Variants in LMO7 observed in about 807,000 individuals in gnomAD.
LMO7 encodes the protein LIM domain 7.
A neutral mutation model predicts 206.5 loss-of-function variants in LMO7; 120 were observed. That is an observed-to-expected ratio of 0.58 (90% CI 0.50 to 0.68). The LOEUF is 0.68. LMO7 is among the 30% of genes least tolerant of loss of function. The pLI is 0.00. For synonymous variants in LMO7, 706 were observed against 681.5 expected, an observed-to-expected ratio of 1.04 and a Z score of -0.56; for missense variants, 1,959 against 1,957.9, an observed-to-expected ratio of 1.00 and a Z score of -0.01.
chr13:75,820,644 C>T (rs572967086), intron 13 of LMO7, among the ~76,000 whole-genome samples: 2 of 152,210 alleles, frequency 1.3e-5, no homozygotes, highest in South Asian at 4.1e-4. Flanking sequence ...ATTTGAGAAC[C>T]ATTTTAATTA....
intron 11 of LMO7, among the ~76,000 whole-genome samples, chr13:75,812,652 AG>A (rs1316940193): frequency 6.6e-6 from 1 of 152,142 alleles, no homozygotes; most frequent in African/African-American, 2.4e-5. Context: ...GGGAGAAGAG[AG>A]TAAGACTTTA....
At chr13:75,822,152 A>G (rs2057645712) in intron 14 of LMO7, among the ~76,000 whole-genome samples, 1 of 152,134 alleles carries the variant, frequency 6.6e-6, no homozygotes, top group Non-Finnish European at 1.5e-5. Context: ...ATTTTTTCTG[A>G]GAATGAAGTG....
At chr13:75,708,035 G>A (rs2042790510) in intron 1 of LMO7, among the ~76,000 whole-genome samples, 1 of 152,120 alleles carries the variant, frequency 6.6e-6, no homozygotes, top group African/African-American at 2.4e-5. Flanking sequence ...TCTATATGAT[G>A]CGGAGGTGTG....
At chr13:75,726,963 G>T in intron 2 of LMO7, 66 bp from the exon 3 acceptor site, 1 of 875,626 alleles carries the variant, frequency 1.1e-6, no homozygotes, top group South Asian at 1.4e-5. Flanking sequence ...TGTGATTTTT[G>T]AGAATGCTAA....
At chr13:75,634,691 C>A (rs376731354), upstream of LMO7, among the ~76,000 whole-genome samples, 4 of 151,448 alleles carry the variant, frequency 2.6e-5, no homozygotes, top group East Asian at 7.8e-4. Context: ...TGCAGTGAGC[C>A]GAGATTGCAC....
At chr13:75,712,547 T>C (rs1271998686) in intron 1 of LMO7, among the ~76,000 whole-genome samples, 1 of 152,244 alleles carries the variant, frequency 6.6e-6, no homozygotes, top group Non-Finnish European at 1.5e-5. Context: ...CCTGTTCCTT[T>C]GTAATTCCTT....
chr13:75,813,663 C>T (rs2056679012), intron 11 of LMO7, among the ~76,000 whole-genome samples: 1 of 152,156 alleles, frequency 6.6e-6, no homozygotes, highest in South Asian at 2.1e-4. Context: ...ACATTAAGGA[C>T]CACCTGTGTG....
intron 11 of LMO7, among the ~76,000 whole-genome samples, chr13:75,812,043 C>T (rs2056455852): frequency 6.6e-6 from 1 of 152,138 alleles, no homozygotes; most frequent in African/African-American, 2.4e-5. Context: ...TAGGGATTTC[C>T]CTCCACCCCC....
intron 15 of LMO7, among the ~76,000 whole-genome samples, chr13:75,829,533 T>A (rs2058450367): frequency 6.6e-6 from 1 of 152,196 alleles, no homozygotes; most frequent in Non-Finnish European, 1.5e-5. Context: ...GAACTATATG[T>A]ACACAAATTC....
chr13:75,815,343 G>C (rs567451027), intron 11 of LMO7, among the ~76,000 whole-genome samples: 2 of 152,162 alleles, frequency 1.3e-5, no homozygotes, highest in Non-Finnish European at 2.9e-5. Context: ...TTAGAAGGCA[G>C]AGGGACAGGA....
intron 3 of LMO7, among the ~76,000 whole-genome samples, chr13:75,748,066 C>T (rs187901191): frequency 1.9e-3 from 286 of 152,156 alleles, no homozygotes; most frequent in African/African-American, 6.2e-3. Flanking sequence ...ACTTTGAAGA[C>T]GGAGGAACAG....
intron 2 of LMO7, among the ~76,000 whole-genome samples, chr13:75,724,300 C>T (rs1205681773): frequency 6.6e-6 from 1 of 152,086 alleles, no homozygotes; most frequent in Non-Finnish European, 1.5e-5. Flanking sequence ...TAACCAAGCA[C>T]ATAACCAGGT....
chr13:75,799,802 C>T (rs2054503675), intron 6 of LMO7, among the ~76,000 whole-genome samples: 2 of 152,160 alleles, frequency 1.3e-5, no homozygotes, highest in Admixed American at 6.5e-5. Context: ...GTCAGGACTA[C>T]ACCATGGGCT....
intron 1 of LMO7, among the ~76,000 whole-genome samples, chr13:75,675,584 A>C (rs550783871): frequency 6.6e-6 from 1 of 152,170 alleles, no homozygotes; most frequent in East Asian, 1.9e-4. Flanking sequence ...GAAACTAAGC[A>C]CTCTTTAGGA....
chr13:75,714,289 A>G (rs1416805529), intron 2 of LMO7, among the ~76,000 whole-genome samples: 1 of 152,200 alleles, frequency 6.6e-6, no homozygotes, highest in African/African-American at 2.4e-5. Context: ...TCGGTAAAGT[A>G]GAGATCAAGG....
At chr13:75,643,169 C>T (rs558628816) in intron 1 of LMO7, among the ~76,000 whole-genome samples, 1 of 152,302 alleles carries the variant, frequency 6.6e-6, no homozygotes, top group Non-Finnish European at 1.5e-5. Flanking sequence ...CTCTCTTTCT[C>T]TCTGGATGCC....
At chr13:75,692,238 G>C (rs2041546739) in intron 1 of LMO7, among the ~76,000 whole-genome samples, 1 of 152,136 alleles carries the variant, frequency 6.6e-6, no homozygotes, top group South Asian at 2.1e-4. Flanking sequence ...ATCTGTACTA[G>C]CTCCAGACTA....
At chr13:75,779,936 G>A (rs1412366226) in intron 4 of LMO7, among the ~76,000 whole-genome samples, 2 of 152,114 alleles carry the variant, frequency 1.3e-5, no homozygotes, top group Non-Finnish European at 2.9e-5. Context: ...GGATGTCCGG[G>A]GGAGACATCA....
intron 1 of LMO7, among the ~76,000 whole-genome samples, chr13:75,664,008 A>G (rs929176138): frequency 3.9e-5 from 6 of 152,112 alleles, no homozygotes; most frequent in African/African-American, 1.4e-4. Flanking sequence ...TCTTTCAGTT[A>G]TTTTAAAATG....
Sources: allele counts gnomAD v4.1 joint callset (sites outside exome capture counted in the v4.1 genomes callset), GRCh38; gene constraint gnomAD v4.1.1; transcripts MANE v1.5; gene names NCBI Gene and HGNC (gene_info 2026-07-23, HGNC 2026-07-21).